Variants in SPAG17 observed in about 807,000 individuals in gnomAD.
The protein encoded by SPAG17 is sperm-associated antigen 17.
SPAG17 carries 169 observed loss-of-function variants against 273.6 expected under a neutral mutation model. That is an observed-to-expected ratio of 0.62 (90% CI 0.55 to 0.70). SPAG17 has a LOEUF of 0.70. Ranked by LOEUF, SPAG17 falls within the 30% of genes least tolerant of loss-of-function variation. The probability of loss-of-function intolerance (pLI) is 0.00; values close to 1 mark genes in which losing one functional copy is unlikely to be tolerated. For missense variants in SPAG17, 2,557 were observed against 2,627.8 expected (o/e 0.97, Z 0.59); for synonymous variants, 825 against 873.2 (o/e 0.94, Z 0.97).
chr1:118,163,435 G>A (rs745338125), intron 1 of SPAG17, among the ~76,000 whole-genome samples: 2 of 151,986 alleles, frequency 1.3e-5, no homozygotes, highest in Non-Finnish European at 2.9e-5. Context: ...TTTTCCTGCC[G>A]CGGTTTCCTC....
intron 23 of SPAG17, among the ~76,000 whole-genome samples, chr1:118,037,462 T>C (rs1571307965): frequency 2.0e-5 from 3 of 152,276 alleles, no homozygotes; most frequent in African/African-American, 2.4e-5. Context: ...TTAGTGAGCA[T>C]AGTACCTGAT....
intron 19 of SPAG17, among the ~76,000 whole-genome samples, chr1:118,054,379 C>T (rs1479353869): frequency 6.6e-6 from 1 of 152,008 alleles, no homozygotes; most frequent in African/African-American, 2.4e-5. Context: ...CTAAAGCTTT[C>T]ACCTAATAAT....
Position 118,065,827 on chromosome 1 carries a change from CA to C in SPAG17, c.2540+917del, listed in dbSNP as rs900295532. On this transcript the variant is annotated intron_variant, in intron 18 of 48. Coordinates refer to ENST00000336338, the MANE Select transcript of SPAG17 (RefSeq NM_206996.4). ...AGGAATATTTACATAAATCCTAGAG[CA>C]AAAAAAAAAATTTAATTGTTGAATA... 1.9e-3 allele frequency among the ~76,000 whole-genome samples: 277 copies of C among 143,794 alleles called. 2 individuals are homozygous for C. Among genetic ancestry groups the C allele is most frequent in the African/African-American group, 4.8e-3 (190 of 39,282 alleles). 94.3% of individuals were successfully genotyped at this position (143,794 alleles called of 152,430 possible). A position where few individuals can be genotyped will look rare whatever the true frequency, so the allele number is the denominator to read the frequency against.
chr1:118,142,308 CA>C (rs1439321454), intron 3 of SPAG17, among the ~76,000 whole-genome samples: 8 of 152,064 alleles, frequency 5.3e-5, no homozygotes, highest in Admixed American at 1.3e-4. Context: ...CAGTGGTCAT[CA>C]GGGGCCAGGG....
At chr1:117,990,983 C>A in intron 37 of SPAG17, 77 bp from the exon 38 acceptor site, 1 of 807,332 alleles carries the variant, frequency 1.2e-6, no homozygotes, top group Non-Finnish European at 1.9e-6. Flanking sequence ...TTCTCTCAAG[C>A]TGATCTTTTG....
intron 15 of SPAG17, among the ~76,000 whole-genome samples, chr1:118,079,938 GTTGT>G (rs1183950960): frequency 5.3e-5 from 8 of 152,090 alleles, no homozygotes; most frequent in African/African-American, 1.9e-4. Flanking sequence ...AAATTTAGGT[GTTGT>G]TTAATATGTT....
intron 26 of SPAG17, 141 bp from the exon 27 acceptor site, chr1:118,025,557 G>C (rs919562369): frequency 1.6e-5 from 11 of 673,590 alleles, no homozygotes; most frequent in Admixed American, 3.5e-5. Flanking sequence ...ATCCAGGCTG[G>C]AGTGCAATGG....
chr1:117,954,766 A>G (rs1651920192), intron 48 of SPAG17: 1 of 909,446 alleles, frequency 1.1e-6, no homozygotes, highest in African/African-American at 1.7e-5. Flanking sequence ...GAATCTTGGC[A>G]TTCTCTAGGA....
chr1:118,165,843 C>T (rs1222111346), intron 1 of SPAG17, among the ~76,000 whole-genome samples: 1 of 151,948 alleles, frequency 6.6e-6, no homozygotes. Flanking sequence ...CGGGGTTTCA[C>T]TGTGTTAGCC....
At chr1:118,132,087 G>T (rs1206646143) in intron 3 of SPAG17, among the ~76,000 whole-genome samples, 1 of 152,224 alleles carries the variant, frequency 6.6e-6, no homozygotes, top group Non-Finnish European at 1.5e-5. Flanking sequence ...CGCATGCTGT[G>T]CCCAGCAGTG....
chr1:118,047,668 C>T (rs777410910), intron 20 of SPAG17, among the ~76,000 whole-genome samples: 4 of 152,182 alleles, frequency 2.6e-5, no homozygotes, highest in Non-Finnish European at 1.5e-5. Context: ...CACCCATGCT[C>T]TCCAGCTCCA....
intron 1 of SPAG17, among the ~76,000 whole-genome samples, chr1:118,171,801 C>A (rs934536033): frequency 6.6e-6 from 1 of 152,054 alleles, no homozygotes; most frequent in Admixed American, 6.6e-5. Context: ...TGTTGAATTG[C>A]AAGGTCCACG....
Position 118,042,021 on chromosome 1 carries a change from G to C in SPAG17, c.2836C>G (p.Arg946Gly), listed in dbSNP as rs201253941. The change falls in exon 21 of 49, where the codon CGA (arginine) becomes GGA (glycine). Residue 946 changes from arginine to glycine, a missense_variant. Physicochemically the swap from Arg to Gly is moderately radical, Grantham distance 125. Transcript: ENST00000336338. ...SLKAWKEEQHRLAEEERLREE... is the reference protein window; with the variant it reads ...SLKAWKEEQHGLAEEERLREE... ...CTTAAGCGCTCCTCTTCTGCTAATCGATGTTGCTCTTCTTTCCATGCCTGT... is the reference window on the plus strand; with the variant it reads ...CTTAAGCGCTCCTCTTCTGCTAATCCATGTTGCTCTTCTTTCCATGCCTGT... 1 of 1,611,886 alleles carries C rather than the reference G, an allele frequency of 6.2e-7. No homozygotes were observed. Among genetic ancestry groups the C allele is most frequent in the Admixed American group, 1.7e-5 (1 of 59,586 alleles).
At chr1:118,086,633 C>T in intron 12 of SPAG17, 38 bp downstream of exon 12, 1 of 1,553,650 alleles carries the variant, frequency 6.4e-7, no homozygotes, top group Non-Finnish European at 8.9e-7. Flanking sequence ...CACACTTTCC[C>T]ACATCGGTTT....
intron 43 of SPAG17, among the ~76,000 whole-genome samples, chr1:117,975,249 CAA>C (rs1265367158): frequency 6.6e-6 from 1 of 152,158 alleles, no homozygotes; most frequent in African/African-American, 2.4e-5. Context: ...CATTCAGACA[CAA>C]ATACTCTCCT....
intron 18 of SPAG17, among the ~76,000 whole-genome samples, chr1:118,062,842 A>G (rs747727455): frequency 2.6e-5 from 4 of 152,212 alleles, no homozygotes; most frequent in Admixed American, 2.0e-4. Context: ...CTGACTACAT[A>G]TTAAACAACA....
At chr1:118,040,579 T>G in intron 22 of SPAG17, 151 bp downstream of exon 22, 1 of 616,774 alleles carries the variant, frequency 1.6e-6, no homozygotes. Flanking sequence ...GAAGAAAGTG[T>G]GAAGTCTGAA....
In SPAG17 at chr1:118,115,954, G is replaced by A. The variant is rs1035199791; in HGVS notation, c.316-513C>T. 4.6e-5 allele frequency among the ~76,000 whole-genome samples: 7 copies of A among 152,270 alleles called. No individual in the cohort carries two copies. The East Asian group carries it at 1.2e-3, about 25-fold the overall frequency. On this transcript the variant is annotated intron_variant, in intron 3 of 48. Transcript: ENST00000336338. ...GATAAAAGCTGTTTGACACAAAGGCGCCATATGAATGTTGCTCCCCCTTGC... is the reference window on the plus strand; with the variant it reads ...GATAAAAGCTGTTTGACACAAAGGCACCATATGAATGTTGCTCCCCCTTGC...
rs1659969602 is a variant in SPAG17, at chr1:118,016,269, A to G, written c.4070-87T>C. On this transcript the variant is annotated intron_variant, in intron 28 of 48. Transcript: ENST00000336338. ...ATTCACTATGTTTTGACACAGTACA[A>G]ACTACCTCAGATACTGTGGCATAGA... 3 of 1,012,810 alleles carry G rather than the reference A, an allele frequency of 3.0e-6. No individual in the cohort carries two copies. In the East Asian group the frequency reaches 7.4e-5, roughly 25 times the overall value. The allele number at this position is 1,012,810 out of a possible 1,614,324, so 62.7% of individuals were successfully genotyped here. A position where few individuals can be genotyped will look rare whatever the true frequency, so the allele number is the denominator to read the frequency against.
Sources: gnomAD v4.1 joint callset for allele counts (sites outside exome capture counted in the v4.1 genomes callset) on GRCh38, gnomAD v4.1.1 for gene constraint, MANE v1.5 for transcripts, NCBI Gene and HGNC (gene_info 2026-07-23, HGNC 2026-07-21) for gene names.